ACTR3: variants seen among roughly 807,000 people sequenced by gnomAD.
ACTR3 encodes the protein actin related protein 3.
In ACTR3, 12 loss-of-function variants were observed where a neutral mutation model predicts 56.8. The ratio of observed to expected loss-of-function variants is 0.21; its 90% confidence interval spans 0.14 to 0.34. ACTR3 has a LOEUF of 0.34. Among genes scored for constraint, ACTR3 ranks in the 10% least tolerant of loss-of-function variants. ACTR3 has a pLI of 1.00. For synonymous variants in ACTR3, 162 were observed against 167.4 expected, an observed-to-expected ratio of 0.97 and a Z score of 0.25; for missense variants, 282 against 512.5, an observed-to-expected ratio of 0.55 and a Z score of 4.34.
rs1226425072 is a variant in ACTR3 at position 113,959,803 on chromosome 2, C to CT, written c.*2348_*2349insT. 2 of 152,036 alleles carry CT rather than the reference C, an allele frequency of 1.3e-5. No individual in the cohort carries two copies. The highest frequency in any genetic ancestry group is 2.9e-5 in the Non-Finnish European group (2 of 67,924). The allele number at this position is 152,036 out of a possible 1,614,324, so 9.4% of individuals were successfully genotyped here. On this transcript the variant is annotated 3_prime_UTR_variant, in exon 12 of 12. Transcript: ENST00000263238. ...ATATCAAGCAACGTGAGCATGGTAG[C>CT]AAAAGCACTAACTGAAGCCAGTGAT...
At chr2:113,908,917 T>C (rs1248153843) in intron 1 of ACTR3, among the ~76,000 whole-genome samples, 2 of 152,148 alleles carry the variant, frequency 1.3e-5, no homozygotes, top group African/African-American at 4.8e-5. Flanking sequence ...AATTAGCTTT[T>C]AGAGTCTAAG....
chr2:113,927,294 G>GT (rs1379373594), intron 3 of ACTR3, 51 bp from the exon 4 acceptor site: 2 of 1,250,596 alleles, frequency 1.6e-6, no homozygotes, highest in Non-Finnish European at 2.2e-6. Context: ...ATTTTTATTT[G>GT]TTTTTTATAT....
chr2:113,896,609 C>G (rs982454773), intron 1 of ACTR3, among the ~76,000 whole-genome samples: 1 of 152,134 alleles, frequency 6.6e-6, no homozygotes, highest in Non-Finnish European at 1.5e-5. Flanking sequence ...AATACAGGAC[C>G]TTTGGGAATG....
At chr2:113,945,086 T>G (rs1679991727) in intron 8 of ACTR3, among the ~76,000 whole-genome samples, 1 of 152,072 alleles carries the variant, frequency 6.6e-6, no homozygotes. Context: ...ACATAATAAT[T>G]GTGAATTGGT....
chr2:113,890,573 C>A, intron 1 of ACTR3: 1 of 1,365,984 alleles, frequency 7.3e-7, no homozygotes, highest in Non-Finnish European at 9.4e-7. Flanking sequence ...GCTTTCTCCG[C>A]GCGACCCCTC....
intron 1 of ACTR3, among the ~76,000 whole-genome samples, chr2:113,897,515 G>GTATTTTTTT (rs1559454475): frequency 7.5e-6 from 1 of 134,110 alleles, no homozygotes. Flanking sequence ...GTGGCCAGAT[G>GTATTTTTTT]TTATTTTTTT....
At chr2:113,911,541 T>C (rs1262166333) in intron 1 of ACTR3, among the ~76,000 whole-genome samples, 4 of 151,202 alleles carry the variant, frequency 2.6e-5, no homozygotes, top group Non-Finnish European at 4.4e-5. Context: ...TGCCTCACTC[T>C]CCTGAGTAGC....
chr2:113,908,209 A>G (rs1679236551), intron 1 of ACTR3, among the ~76,000 whole-genome samples: 1 of 151,174 alleles, frequency 6.6e-6, no homozygotes, highest in South Asian at 2.1e-4. Flanking sequence ...TTAAATTACA[A>G]TTTAAAAAGT....
intron 6 of ACTR3, among the ~76,000 whole-genome samples, chr2:113,938,509 C>G (rs181128724): frequency 2.0e-5 from 3 of 152,254 alleles, no homozygotes; most frequent in Non-Finnish European, 4.4e-5. Flanking sequence ...TAAGCAGGTC[C>G]GTAACAGGTT....
At chr2:113,914,394 C>T (rs988311230) in intron 2 of ACTR3, among the ~76,000 whole-genome samples, 3 of 152,024 alleles carry the variant, frequency 2.0e-5, no homozygotes, top group South Asian at 2.1e-4. Context: ...GGGCAGATCA[C>T]GAGGTCAGGA....
chr2:113,916,134 T>G (rs1679400793), intron 2 of ACTR3, among the ~76,000 whole-genome samples: 1 of 152,210 alleles, frequency 6.6e-6, no homozygotes, highest in African/African-American at 2.4e-5. Flanking sequence ...CCCACTTTCT[T>G]AAGGATATAG....
intron 10 of ACTR3, chr2:113,954,500 C>T (rs1680174539): frequency 6.6e-6 from 1 of 151,788 alleles, no homozygotes; most frequent in Admixed American, 6.6e-5. Context: ...CTCCTGATTT[C>T]TCATTTTGTG....
chr2:113,941,943 C>T (rs1035370531), intron 7 of ACTR3, among the ~76,000 whole-genome samples: 3 of 152,112 alleles, frequency 2.0e-5, no homozygotes, highest in Non-Finnish European at 4.4e-5. Flanking sequence ...GAAGTCAGCT[C>T]TCCAGTCTCT....
intron 6 of ACTR3, among the ~76,000 whole-genome samples, chr2:113,936,529 A>C (rs551094037): frequency 6.6e-6 from 1 of 152,302 alleles, no homozygotes; most frequent in South Asian, 2.1e-4. Flanking sequence ...TACAAATAAC[A>C]TTCTACTACT....
intron 1 of ACTR3, among the ~76,000 whole-genome samples, chr2:113,891,941 G>A (rs1295791818): frequency 1.3e-5 from 2 of 151,722 alleles, no homozygotes; most frequent in African/African-American, 4.8e-5. Context: ...TTATGTCTAG[G>A]TTCAGTTTTA....
chr2:113,932,187 G>T (rs1247167221), intron 5 of ACTR3, among the ~76,000 whole-genome samples: 1 of 152,132 alleles, frequency 6.6e-6, no homozygotes, highest in Non-Finnish European at 1.5e-5. Context: ...GGATAGCAAA[G>T]AACTTTTTAA....
At position 113,958,601 on chromosome 2, in the gene ACTR3, G is replaced by GT. The variant is rs34250255; in HGVS notation, c.*1158dup. 3,699 of 145,224 alleles carry GT rather than the reference G, an allele frequency of 0.025. 76 individuals carry two copies. Among genetic ancestry groups the GT allele is most frequent in the Non-Finnish European group, 0.035 (2,292 of 64,654 alleles). The allele number at this position is 145,224 out of a possible 1,614,324, so 9.0% of individuals were successfully genotyped here. A position where few individuals can be genotyped will look rare whatever the true frequency, so the allele number is the denominator to read the frequency against. On this transcript the variant is annotated 3_prime_UTR_variant, in exon 12 of 12. Transcript: ENST00000263238. ...TTAAAACTGAATTACCTTTTCTAATGTTTTTTTTTTTTAAGTAATGTAATT... is the reference window on the plus strand; with the variant it reads ...TTAAAACTGAATTACCTTTTCTAATGTTTTTTTTTTTTTAAGTAATGTAATT...
upstream of ACTR3, chr2:113,889,982 C>T: frequency 3.9e-6 from 2 of 514,216 alleles, no homozygotes; most frequent in Admixed American, 4.1e-5. Flanking sequence ...CGGGGAAAGG[C>T]GGCGTGAGGG....
rs1030526490 is a variant in ACTR3 at position 113,947,480 on chromosome 2, C to T, written c.859-3999C>T. ...CAGCTTGGGCAACATGGGAAGAGCC[C>T]GTCTCTACCAAAAAAATACAAAAAA... On this transcript the variant is annotated intron_variant, in intron 8 of 11. Transcript: ENST00000263238. Among the ~76,000 whole-genome samples, 7 of 152,070 alleles carry T rather than the reference C, an allele frequency of 4.6e-5. No individual in the cohort carries two copies. In the East Asian group the frequency reaches 9.6e-4, roughly 21 times the overall value.
Sources: allele counts gnomAD v4.1 joint callset (sites outside exome capture counted in the v4.1 genomes callset), GRCh38; gene constraint gnomAD v4.1.1; transcripts MANE v1.5; gene names NCBI Gene and HGNC (gene_info 2026-07-23, HGNC 2026-07-21).